Variants in REEP3 observed in about 807,000 individuals in gnomAD.
REEP3 encodes the protein receptor expression-enhancing protein 3.
A neutral mutation model predicts 41.3 loss-of-function variants in REEP3; 20 were observed. That is an observed-to-expected ratio of 0.48 (90% CI 0.34 to 0.70). The LOEUF is 0.70. REEP3 is among the 30% of genes least tolerant of loss of function. The pLI is 0.01. For missense variants in REEP3, 271 were observed against 308.8 expected (o/e 0.88, Z 0.92); for synonymous variants, 104 against 101.8 (o/e 1.02, Z -0.13).
intron 1 of REEP3, among the ~76,000 whole-genome samples, chr10:63,530,354 A>G (rs998480488): frequency 1.3e-5 from 2 of 152,146 alleles, no homozygotes; most frequent in East Asian, 3.9e-4. Context: ...ACCATTTTTT[A>G]TGAGATCCAT....
Position 63,619,763 on chromosome 10 carries a change from G to A in REEP3, c.674G>A (p.Ser225Asn), listed in dbSNP as rs1315375408. ...CACAAAGGGCTTCGAAGATCGCAAAGCATGAAATCTGTGAAAACCACCAAA... is the reference window on the plus strand; with the variant it reads ...CACAAAGGGCTTCGAAGATCGCAAAACATGAAATCTGTGAAAACCACCAAA... Reference protein sequence around the residue: ...LTHKGLRRSQSMKSVKTTKGR... With the variant: ...LTHKGLRRSQNMKSVKTTKGR... The change falls in exon 7 of 8, where the codon AGC (serine) becomes AAC (asparagine). Residue 225 changes from serine (S) to asparagine (N), a missense_variant. Physicochemically the swap from Ser to Asn is conservative, Grantham distance 46 (BLOSUM62 1). Transcript: ENST00000373758. The A allele has an allele frequency of 6.2e-7, 1 of 1,610,208 alleles. No individual in the cohort carries two copies. The highest frequency in any genetic ancestry group is 8.5e-7 in the Non-Finnish European group (1 of 1,178,252).
intron 5 of REEP3, among the ~76,000 whole-genome samples, chr10:63,606,273 T>C (rs1719547796): frequency 6.8e-6 from 1 of 146,126 alleles, no homozygotes; most frequent in Non-Finnish European, 1.6e-5. Context: ...TTTTCTTTCT[T>C]TCTTTTTCTT....
In REEP3 at chr10:63,598,197, A is replaced by C. The variant is rs1956134550; in HGVS notation, c.303+53A>C. 6 of 1,353,604 alleles carry C rather than the reference A, an allele frequency of 4.4e-6. No individual in the cohort carries two copies. In the Admixed American group the frequency reaches 1.0e-4, roughly 24 times the overall value. 83.8% of individuals were successfully genotyped at this position (1,353,604 alleles called of 1,614,324 possible). A position where few individuals can be genotyped will look rare whatever the true frequency, so the allele number is the denominator to read the frequency against. On this transcript the variant is annotated intron_variant, in intron 4 of 7. Coordinates refer to ENST00000373758, the MANE Select transcript of REEP3 (RefSeq NM_001001330.3). ...TAATTTTTTAGAAATGCCTAAGCGG[A>C]GGCCAGGTGTGGTGGCTCACACCTG...
intron 1 of REEP3, among the ~76,000 whole-genome samples, chr10:63,525,432 T>C (rs1281100094): frequency 6.6e-6 from 1 of 152,194 alleles, no homozygotes; most frequent in Non-Finnish European, 1.5e-5. Flanking sequence ...CTTTTTTTTT[T>C]TTTGAGACGG....
At chr10:63,542,489 ATAAATAT>A (rs908291416) in intron 1 of REEP3, among the ~76,000 whole-genome samples, 4 of 152,250 alleles carry the variant, frequency 2.6e-5, no homozygotes, top group Non-Finnish European at 5.9e-5. Flanking sequence ...GATATTCTGT[ATAAATAT>A]CCTTTATATC....
intron 1 of REEP3, among the ~76,000 whole-genome samples, chr10:63,528,861 C>A (rs1955391616): frequency 6.6e-6 from 1 of 152,202 alleles, no homozygotes; most frequent in African/African-American, 2.4e-5. Flanking sequence ...TGTTCACTTT[C>A]TCAGTGACCC....
intron 5 of REEP3, among the ~76,000 whole-genome samples, chr10:63,604,267 T>C (rs1956203053): frequency 1.3e-5 from 2 of 152,212 alleles, no homozygotes; most frequent in African/African-American, 4.8e-5. Context: ...ACAAGTTTAT[T>C]TTGGCTGAGC....
intron 1 of REEP3, among the ~76,000 whole-genome samples, chr10:63,554,374 A>T (rs548197775): frequency 7.9e-5 from 12 of 151,072 alleles, no homozygotes; most frequent in Non-Finnish European, 1.6e-4. Flanking sequence ...GGTCTCAGAT[A>T]TTTTTTTTAT....
chr10:63,607,395 T>A (rs1956238557), intron 5 of REEP3, among the ~76,000 whole-genome samples: 1 of 152,184 alleles, frequency 6.6e-6, no homozygotes, highest in African/African-American at 2.4e-5. Flanking sequence ...TAAATTTAAA[T>A]CCAGCCTTTA....
intron 2 of REEP3, among the ~76,000 whole-genome samples, chr10:63,586,676 C>T (rs979289441): frequency 2.0e-5 from 3 of 152,008 alleles, no homozygotes; most frequent in South Asian, 2.1e-4. Flanking sequence ...CCAGTTCATT[C>T]GTTCTTTTTT....
chr10:63,532,776 C>G (rs762469813), intron 1 of REEP3, among the ~76,000 whole-genome samples: 4 of 151,882 alleles, frequency 2.6e-5, no homozygotes, highest in Non-Finnish European at 5.9e-5. Flanking sequence ...CATGCGCCTG[C>G]AGTCCCAGCT....
chr10:63,599,786 A>G (rs1956156278), intron 5 of REEP3: 3 of 610,816 alleles, frequency 4.9e-6, no homozygotes, highest in Non-Finnish European at 6.1e-6. Context: ...TACTAATGTC[A>G]TTTGTTGTGT....
rs564733684 is a variant in REEP3 at position 63,569,786 on chromosome 10, A to T, written c.105+3376A>T. The stretch of plus-strand genomic sequence containing the variant: ...GTGAAACCCCGTCTCTACAAAAAAT[A>T]TAAAAATTAGCCGGGTATGGTGGCA... On this transcript the variant is annotated intron_variant, in intron 2 of 7. Coordinates refer to ENST00000373758, the MANE Select transcript of REEP3 (RefSeq NM_001001330.3). 3.3e-5 allele frequency among the ~76,000 whole-genome samples: 5 copies of T among 152,218 alleles called. No homozygotes were observed. The East Asian group carries it at 9.7e-4, about 29-fold the overall frequency.
chr10:63,607,777 C>A (rs1478956986), intron 5 of REEP3, among the ~76,000 whole-genome samples: 1 of 152,170 alleles, frequency 6.6e-6, no homozygotes, highest in African/African-American at 2.4e-5. Flanking sequence ...CCTATCCCAA[C>A]AATAGAAGTA....
intron 2 of REEP3, among the ~76,000 whole-genome samples, chr10:63,567,654 A>G (rs930054785): frequency 6.6e-6 from 1 of 152,210 alleles, no homozygotes; most frequent in African/African-American, 2.4e-5. Context: ...AAACATTCAC[A>G]TACAAGGATT....
chr10:63,617,039 T>C (rs1956317499), intron 6 of REEP3, among the ~76,000 whole-genome samples: 1 of 152,174 alleles, frequency 6.6e-6, no homozygotes, highest in Non-Finnish European at 1.5e-5. Context: ...GGAGCTTTTT[T>C]CCAGGACCAC....
At chr10:63,615,490 T>A (rs950241892) in intron 6 of REEP3, among the ~76,000 whole-genome samples, 13 of 152,002 alleles carry the variant, frequency 8.6e-5, no homozygotes, top group African/African-American at 2.4e-4. Context: ...TTTGACTTGA[T>A]TCTAGTGTCT....
chr10:63,560,286 C>G (rs1321919493), intron 1 of REEP3, among the ~76,000 whole-genome samples: 1 of 152,006 alleles, frequency 6.6e-6, no homozygotes, highest in Non-Finnish European at 1.5e-5. Flanking sequence ...TGCTTTGTAA[C>G]CTGTTTAAAT....
chr10:63,579,047 G>GT (rs1371112073), intron 2 of REEP3, among the ~76,000 whole-genome samples: 4 of 134,586 alleles, frequency 3.0e-5, no homozygotes, highest in Non-Finnish European at 4.8e-5. Context: ...TTTTTGGGGG[G>GT]GGGGAGATGG....
Sources: gnomAD v4.1 joint callset for allele counts (sites outside exome capture counted in the v4.1 genomes callset) on GRCh38, gnomAD v4.1.1 for gene constraint, MANE v1.5 for transcripts, NCBI Gene and HGNC (gene_info 2026-07-23, HGNC 2026-07-21) for gene names.